Variants in POU2AF3 observed in about 807,000 individuals in gnomAD.
POU2AF3 encodes cancer susceptibility candidate 13.
chr11:111,298,825 G>GGGGGGGC, the POU2AF3 span: 1 of 852,666 alleles, frequency 1.2e-6, no homozygotes, highest in Non-Finnish European at 1.5e-6. Context: ...GCGTACCCCA[G>GGGGGGGC]GCCCCCGCCC....
the POU2AF3 span, chr11:111,306,495 G>A: frequency 5.9e-5 from 90 of 1,535,034 alleles, no homozygotes; most frequent in Non-Finnish European, 7.0e-5. Context: ...AAGCTGCCTC[G>A]ACCAGATCTT....
chr11:111,305,239 C>G, the POU2AF3 span, among the ~76,000 whole-genome samples: 1 of 152,218 alleles, frequency 6.6e-6, no homozygotes, highest in African/African-American at 2.4e-5. Flanking sequence ...TATTCCAGTT[C>G]CTCATCGCCA....
the POU2AF3 span, chr11:111,300,654 C>T: frequency 1.7e-6 from 2 of 1,147,674 alleles, no homozygotes; most frequent in Non-Finnish European, 2.2e-6. Context: ...TTCCCCAGCC[C>T]ATGCCAGGCC....
the POU2AF3 span, among the ~76,000 whole-genome samples, chr11:111,303,538 G>T: frequency 6.6e-6 from 1 of 152,156 alleles, no homozygotes; most frequent in Non-Finnish European, 1.5e-5. Flanking sequence ...GGTGGAGGCA[G>T]ACAAACAGGC....
the POU2AF3 span, chr11:111,304,778 GAAAA>G: frequency 5.8e-6 from 2 of 344,584 alleles, no homozygotes; most frequent in Admixed American, 5.0e-5. Context: ...GTCAAACATT[GAAAA>G]AAAAAAAGAA....
the POU2AF3 span, chr11:111,304,734 C>T: frequency 2.6e-6 from 1 of 388,542 alleles, no homozygotes; most frequent in Non-Finnish European, 4.5e-6. Context: ...TTCCCTTTCA[C>T]TTGTTTTTTA....
the POU2AF3 span, chr11:111,299,376 C>T: frequency 3.0e-6 from 3 of 996,116 alleles, no homozygotes; most frequent in Non-Finnish European, 3.6e-6. Flanking sequence ...CCCCGGACTC[C>T]TGCGGCCACC....
At chr11:111,306,360 A>G in the POU2AF3 span, 1,921 of 1,288,842 alleles carry the variant, frequency 1.5e-3, 4 homozygotes, top group Non-Finnish European at 1.8e-3. Context: ...TGCAATTTTT[A>G]TGCAAAAACC....
At chr11:111,298,826 G>GCCCGC in the POU2AF3 span, 17 of 790,954 alleles carry the variant, frequency 2.1e-5, no homozygotes, top group Non-Finnish European at 2.5e-5. Context: ...CGTACCCCAG[G>GCCCGC]CCCCCGCCCG....
At chr11:111,299,078 G>A in the POU2AF3 span, 1 of 985,234 alleles carries the variant, frequency 1.0e-6, no homozygotes, top group Non-Finnish European at 1.2e-6. Context: ...AGCGCGGAGA[G>A]GGCGCGGCGC....
the POU2AF3 span, chr11:111,306,392 A>G: frequency 6.9e-7 from 1 of 1,443,162 alleles, no homozygotes; most frequent in Non-Finnish European, 9.1e-7. Flanking sequence ...TTTCTCCTCT[A>G]GGACTGTATT....
the POU2AF3 span, among the ~76,000 whole-genome samples, chr11:111,301,505 CTGTTCA>C: frequency 1.3e-5 from 1 of 74,510 alleles, no homozygotes; most frequent in Non-Finnish European, 3.0e-5. Context: ...GTGCCTGATG[CTGTTCA>C]TGTGCAATGT....
At chr11:111,308,207 C>G in the POU2AF3 span, 30 of 1,551,806 alleles carry the variant, frequency 1.9e-5, no homozygotes, top group Admixed American at 1.6e-4. Context: ...TGGCTACCCC[C>G]CAGAAGACCA....
At chr11:111,306,436 A>T in the POU2AF3 span, 1 of 1,482,472 alleles carries the variant, frequency 6.7e-7, no homozygotes, top group Non-Finnish European at 9.0e-7. Context: ...ACGCCCAATT[A>T]TTTGCAACGG....
At chr11:111,302,241 A>G in the POU2AF3 span, among the ~76,000 whole-genome samples, 1 of 152,278 alleles carries the variant, frequency 6.6e-6, no homozygotes, top group East Asian at 1.9e-4. Context: ...TTGGCTCTTT[A>G]TGCTCTAAAT....
At chr11:111,306,993 G>A in the POU2AF3 span, among the ~76,000 whole-genome samples, 511 of 152,210 alleles carry the variant, frequency 3.4e-3, 5 homozygotes, top group African/African-American at 0.011. Context: ...ATTTTTTGAT[G>A]GAATTTTGAG....
At chr11:111,298,893 C>A in the POU2AF3 span, 1 of 1,131,854 alleles carries the variant, frequency 8.8e-7, no homozygotes. Flanking sequence ...CCTGCGCGCC[C>A]AGAAGCTGCT....
At chr11:111,299,491 C>A in the POU2AF3 span, 1 of 1,123,168 alleles carries the variant, frequency 8.9e-7, no homozygotes, top group Non-Finnish European at 1.1e-6. Flanking sequence ...CTGCTCCCAG[C>A]GCTCAGGGGT....
At chr11:111,299,853 C>T in the POU2AF3 span, 5 of 655,892 alleles carry the variant, frequency 7.6e-6, no homozygotes, top group Non-Finnish European at 8.7e-6. Flanking sequence ...CAGAAGGGAG[C>T]GAGGGAGGGA....
Sources: allele counts gnomAD v4.1 joint callset (sites outside exome capture counted in the v4.1 genomes callset), GRCh38; gene constraint gnomAD v4.1.1; transcripts MANE v1.5; gene names NCBI Gene and HGNC (gene_info 2026-07-23, HGNC 2026-07-21).